The following TNNI3K variants were observed in gnomAD, a reference collection of about 807,000 sequenced individuals.
TNNI3K encodes the protein serine/threonine-protein kinase TNNI3K.
In TNNI3K, 140 loss-of-function variants were observed where a neutral mutation model predicts 114.5. The ratio of observed to expected loss-of-function variants is 1.22; its 90% CI spans 1.07 to 1.41. The LOEUF (loss-of-function observed/expected upper bound fraction) is 1.41. Among genes scored for constraint, TNNI3K ranks in the 40% most tolerant of loss-of-function variants. The probability of loss-of-function intolerance (pLI) is 0.00; values close to 1 mark genes in which losing one functional copy is unlikely to be tolerated. For synonymous variants in TNNI3K, 347 were observed against 347.5 expected (o/e 1.00, Z 0.02); for missense variants, 1,125 against 1,007.6 (o/e 1.12, Z -1.58).
intron 23 of TNNI3K, among the ~76,000 whole-genome samples, chr1:74,495,804 T>A (rs1347191631): frequency 6.6e-6 from 1 of 152,170 alleles, no homozygotes; most frequent in African/African-American, 2.4e-5. Flanking sequence ...CCAATACTTG[T>A]ATTTGCTGGA....
intron 5 of TNNI3K, among the ~76,000 whole-genome samples, chr1:74,286,018 C>T (rs572754457): frequency 7.2e-5 from 11 of 152,302 alleles, no homozygotes; most frequent in African/African-American, 2.6e-4. Flanking sequence ...AAAATACCTT[C>T]ACAAGAGCTA....
At chr1:74,360,554 T>C (rs1450802057) in intron 11 of TNNI3K, among the ~76,000 whole-genome samples, 1 of 152,122 alleles carries the variant, frequency 6.6e-6, no homozygotes, top group African/African-American at 2.4e-5. Context: ...ATAATAGGGA[T>C]AGTATAAAAC....
At chr1:74,360,027 CATCCTATCG>C (rs1661872903) in intron 11 of TNNI3K, among the ~76,000 whole-genome samples, 2 of 152,018 alleles carry the variant, frequency 1.3e-5, no homozygotes, top group Non-Finnish European at 2.9e-5. Context: ...TCCCACCACA[CATCCTATCG>C]ATTCAATCAA....
intron 17 of TNNI3K, among the ~76,000 whole-genome samples, chr1:74,419,473 A>T (rs538975276): frequency 1.3e-5 from 2 of 152,092 alleles, no homozygotes; most frequent in African/African-American, 4.8e-5. Context: ...TGCTACAATT[A>T]GGGGTGTTTT....
intron 23 of TNNI3K, among the ~76,000 whole-genome samples, chr1:74,514,202 C>T (rs989064352): frequency 3.9e-5 from 6 of 152,172 alleles, no homozygotes; most frequent in Non-Finnish European, 8.8e-5. Context: ...TTTATTTTCA[C>T]AATCAAGTAT....
chr1:74,252,086 A>G (rs1479943328), intron 4 of TNNI3K, among the ~76,000 whole-genome samples: 5 of 152,218 alleles, frequency 3.3e-5, no homozygotes, highest in Non-Finnish European at 7.3e-5. Flanking sequence ...GTATGAAACC[A>G]TGAATTCTGA....
chr1:74,380,800 G>C lies in TNNI3K; in HGVS notation c.1772+10408G>C, dbSNP rs140197617. On this transcript the variant is annotated intron_variant, in intron 17 of 24. Coordinates refer to ENST00000326637, the MANE Select transcript of TNNI3K (RefSeq NM_015978.3). ...ACCTTTCAATAATGATATTAATGCT[G>C]CCGTGTGGTAATCTGTGCATTTCTC... 9.0e-4 allele frequency among the ~76,000 whole-genome samples: 137 copies of C among 152,214 alleles called. 1 individual carries two copies. The highest frequency in any genetic ancestry group is 4.6e-4 in the Non-Finnish European group (31 of 68,022).
intron 22 of TNNI3K, among the ~76,000 whole-genome samples, chr1:74,489,781 C>T (rs45601136): frequency 0.023 from 3,569 of 152,136 alleles, 133 homozygotes; most frequent in African/African-American, 0.081. Context: ...AGTTTCTCTA[C>T]AATTGCCTTA....
chr1:74,252,725 A>T (rs1655011789), intron 4 of TNNI3K, among the ~76,000 whole-genome samples: 1 of 151,492 alleles, frequency 6.6e-6, no homozygotes, highest in East Asian at 1.9e-4. Flanking sequence ...GGAGTTGTTC[A>T]TTCCTCCCCG....
chr1:74,422,545 A>C (rs1454598451), intron 17 of TNNI3K, among the ~76,000 whole-genome samples: 5 of 152,098 alleles, frequency 3.3e-5, no homozygotes, highest in Admixed American at 3.3e-4. Context: ...TCCACTTCAC[A>C]GTCCCTTACT....
chr1:74,347,782 G>A (rs1661098974), intron 9 of TNNI3K, among the ~76,000 whole-genome samples: 1 of 152,068 alleles, frequency 6.6e-6, no homozygotes, highest in East Asian at 1.9e-4. Flanking sequence ...TGTGTTTTTT[G>A]GCTGCATAAA....
chr1:74,294,829 A>G (rs4469677), intron 5 of TNNI3K, among the ~76,000 whole-genome samples: 150,697 of 152,070 alleles, frequency 0.99, 74,687 homozygotes, highest in Middle Eastern at 1. Flanking sequence ...TTGTTTGTTT[A>G]AAAACCTTTT....
intron 17 of TNNI3K, among the ~76,000 whole-genome samples, chr1:74,419,400 A>G (rs1163958719): frequency 6.6e-6 from 1 of 152,110 alleles, no homozygotes; most frequent in African/African-American, 2.4e-5. Flanking sequence ...ATATTCACAA[A>G]GTCTGGGAAT....
chr1:74,309,954 G>C (rs1403745665), intron 5 of TNNI3K, among the ~76,000 whole-genome samples: 3 of 152,148 alleles, frequency 2.0e-5, no homozygotes, highest in Non-Finnish European at 4.4e-5. Flanking sequence ...GGAAGTTGTA[G>C]ACAGAGCAAT....
chr1:74,336,188 C>T, intron 7 of TNNI3K, 39 bp downstream of exon 7: 1 of 1,577,480 alleles, frequency 6.3e-7, no homozygotes, highest in Non-Finnish European at 8.5e-7. Context: ...CTATCATTTG[C>T]TTTATGTATA....
chr1:74,414,368 C>A (rs1665022455), intron 17 of TNNI3K, among the ~76,000 whole-genome samples: 1 of 151,944 alleles, frequency 6.6e-6, no homozygotes, highest in African/African-American at 2.4e-5. Flanking sequence ...AACATAGGAC[C>A]ATTTATCTGG....
At chr1:74,480,491 G>A (rs1371202555) in intron 21 of TNNI3K, 2 of 717,504 alleles carry the variant, frequency 2.8e-6, no homozygotes, top group Non-Finnish European at 5.2e-6. Flanking sequence ...CCTATTTCGG[G>A]AAAGGTCCAC....
intron 5 of TNNI3K, among the ~76,000 whole-genome samples, chr1:74,304,068 C>A (rs948747114): frequency 3.9e-5 from 6 of 152,186 alleles, no homozygotes; most frequent in Non-Finnish European, 7.3e-5. Flanking sequence ...ATAAAATCTA[C>A]TCCTGGTGAA....
intron 23 of TNNI3K, among the ~76,000 whole-genome samples, chr1:74,533,508 T>C (rs200582928): frequency 0.029 from 3,782 of 130,306 alleles, no homozygotes; most frequent in African/African-American, 0.036. Flanking sequence ...GTGTGGTGAT[T>C]CCTCAGGGAT....
Sources: allele counts gnomAD v4.1 joint callset (sites outside exome capture counted in the v4.1 genomes callset), GRCh38; gene constraint gnomAD v4.1.1; transcripts MANE v1.5; gene names NCBI Gene and HGNC (gene_info 2026-07-23, HGNC 2026-07-21).